GLS: variants seen among roughly 807,000 people sequenced by gnomAD.
GLS encodes the protein glutaminase.
GLS carries 36 observed loss-of-function variants against 86.7 expected under a neutral mutation model. The ratio of observed to expected loss-of-function variants is 0.42; its 90% confidence interval spans 0.32 to 0.55. The LOEUF (loss-of-function observed/expected upper bound fraction) is 0.55, where lower values mean the gene tolerates loss of function less well. GLS is among the 20% of genes least tolerant of loss of function. GLS has a pLI of 0.17. For synonymous variants in GLS, 317 were observed against 305.9 expected (o/e 1.04, Z -0.38); for missense variants, 528 against 833.4 (o/e 0.63, Z 4.51).
rs750855575 is a variant in GLS, at chr2:190,955,361, G to A, written c.1853+543G>A. 2.0e-5 allele frequency among the ~76,000 whole-genome samples: 3 copies of A among 152,140 alleles called. No homozygotes were observed. Among genetic ancestry groups the A allele is most frequent in the Non-Finnish European group, 1.5e-5 (1 of 68,030 alleles). ...TTCTCACTGTTCCACTCCCACTTAC[G>A]AGGGAGAACATGAAGTGTTTGGTTT... On this transcript the variant is annotated intron_variant, in intron 17 of 17. Transcript: ENST00000320717. This position sits in a 1 kb window ranked among gnomAD's most constrained non-coding sequence, Gnocchi z 5.6.
rs1232475108 is a variant in GLS at position 190,964,800 on chromosome 2, A to ATAAC, written c.*1816_*1819dup. 1 of 152,212 alleles carries ATAAC rather than the reference A, an allele frequency of 6.6e-6. No homozygotes were observed. The highest frequency in any genetic ancestry group is 2.4e-5 in the African/African-American group (1 of 41,436). The allele number at this position is 152,212 out of a possible 1,614,324, so 9.4% of individuals were successfully genotyped here. A position where few individuals can be genotyped will look rare whatever the true frequency, so the allele number is the denominator to read the frequency against. On this transcript the variant is annotated 3_prime_UTR_variant, in exon 18 of 18. Transcript: ENST00000320717. This position sits in a 1 kb window ranked among gnomAD's most constrained non-coding sequence, Gnocchi z 5.2. ...CACGTTTTAACTGAAATCAATCAAG[A>ATAAC]TAACTTTATTCAAAGAGCAGCCCGC...
chr2:190,937,505 TTTTA>T (rs1383426341), intron 14 of GLS, among the ~76,000 whole-genome samples: 2 of 151,416 alleles, frequency 1.3e-5, no homozygotes, highest in African/African-American at 4.8e-5. Flanking sequence ...AGGTACTTAT[TTTTA>T]AAATAGTATG....
chr2:190,961,747 T>C (rs1459043567), intron 17 of GLS, among the ~76,000 whole-genome samples: 2 of 151,474 alleles, frequency 1.3e-5, no homozygotes, highest in Non-Finnish European at 2.9e-5. Flanking sequence ...TTACCTGATT[T>C]TAAAAACAGG....
rs184041163 is a variant in GLS, at chr2:190,907,057, T to C, written c.979+1890T>C. ...CCATTCCCCTGCCTCAGCGAGTAGCTGGGACTACAGGCACCCGCCAGCACG... is the reference window on the plus strand; with the variant it reads ...CCATTCCCCTGCCTCAGCGAGTAGCCGGGACTACAGGCACCCGCCAGCACG... On this transcript the variant is annotated intron_variant, in intron 6 of 17. Coordinates refer to ENST00000320717, the MANE Select transcript of GLS (RefSeq NM_014905.5). Among the ~76,000 whole-genome samples the C allele has an allele frequency of 1.8e-3, 269 of 151,212 alleles. 1 individual carries two copies. The highest frequency in any genetic ancestry group is 6.8e-3 in the Middle Eastern group (2 of 292).
intron 14 of GLS, among the ~76,000 whole-genome samples, chr2:190,932,450 ATACT>A (rs1690138399): frequency 6.6e-6 from 1 of 151,970 alleles, no homozygotes; most frequent in South Asian, 2.1e-4. Flanking sequence ...TTTTTAATAC[ATACT>A]AAGTACATTT....
Position 190,947,847 on chromosome 2 carries a change from C to T in GLS, c.1651-5718C>T, listed in dbSNP as rs1039395821. Among the ~76,000 whole-genome samples the T allele has an allele frequency of 6.6e-6, 1 of 152,136 alleles. No individual in the cohort carries two copies. Among genetic ancestry groups the T allele is most frequent in the Non-Finnish European group, 1.5e-5 (1 of 68,030 alleles). On this transcript the variant is annotated intron_variant, in intron 14 of 17. Coordinates refer to ENST00000320717, the MANE Select transcript of GLS (RefSeq NM_014905.5). The surrounding 1 kb of genome is among the most constrained non-coding windows in gnomAD (Gnocchi z 5.0). ...GATCTTCTAGAGTGCCCCTCTCCTT[C>T]AGTTTGTTTGCTATGATAGGCATTC... is the stretch of plus-strand genomic sequence containing the variant.
chr2:190,891,866 T>C (rs1194942725), intron 1 of GLS, among the ~76,000 whole-genome samples: 2 of 152,184 alleles, frequency 1.3e-5, no homozygotes, highest in African/African-American at 4.8e-5. Context: ...TTTTTTGTTC[T>C]TTATAAACAC....
intron 5 of GLS, among the ~76,000 whole-genome samples, chr2:190,903,189 A>T (rs1689008915): frequency 6.6e-6 from 1 of 152,106 alleles, no homozygotes; most frequent in Admixed American, 6.6e-5. Context: ...ACTCGTAAGG[A>T]CCTTCATTTT....
chr2:190,946,061 T>C (rs988197208), intron 14 of GLS, among the ~76,000 whole-genome samples: 2 of 152,194 alleles, frequency 1.3e-5, no homozygotes, highest in Admixed American at 6.5e-5. Flanking sequence ...ATACTCAGAC[T>C]GTCTAATTAC....
Position 190,955,731 on chromosome 2 carries a change from T to C in GLS, c.1853+913T>C, listed in dbSNP as rs937503908. On this transcript the variant is annotated intron_variant, in intron 17 of 17. Coordinates refer to ENST00000320717, the MANE Select transcript of GLS (RefSeq NM_014905.5). The surrounding 1 kb of genome is among the most constrained non-coding windows in gnomAD (Gnocchi z 5.6). ...TGTCTTCCACAATGGTTGAACTAAT[T>C]TACACTCCCACTAACAGTGTAAAAG... 2.6e-5 allele frequency among the ~76,000 whole-genome samples: 4 copies of C among 152,196 alleles called. No homozygotes were observed. Among genetic ancestry groups the C allele is most frequent in the Non-Finnish European group, 5.9e-5 (4 of 68,022 alleles).
intron 1 of GLS, among the ~76,000 whole-genome samples, chr2:190,884,888 G>C (rs1688322121): frequency 6.6e-6 from 1 of 152,212 alleles, no homozygotes; most frequent in East Asian, 1.9e-4. Context: ...ATTGCTAGTA[G>C]AAGTATAAAT....
At chr2:190,948,958 G>C (rs981328348) in intron 14 of GLS, among the ~76,000 whole-genome samples, 4 of 152,302 alleles carry the variant, frequency 2.6e-5, no homozygotes, top group Admixed American at 2.6e-4. Context: ...CACTGTGTGG[G>C]CAGCTGGCAA....
At chr2:190,950,798 A>T (rs1440534033) in intron 14 of GLS, among the ~76,000 whole-genome samples, 2 of 152,218 alleles carry the variant, frequency 1.3e-5, no homozygotes, top group African/African-American at 4.8e-5. Context: ...GGTGAATTGT[A>T]GTGTCATCCC....
At position 190,914,911 on chromosome 2, in the gene GLS, G is replaced by T. The variant is rs534733977; in HGVS notation, c.1038+4590G>T. 1.8e-4 allele frequency among the ~76,000 whole-genome samples: 27 copies of T among 152,176 alleles called. No individual in the cohort carries two copies. Among genetic ancestry groups the T allele is most frequent in the African/African-American group, 6.3e-4 (26 of 41,520 alleles). ...ATATAGTTACATTAATTTTTTAATA[G>T]ATAATGTTAAAACTCAGTGCCTCTA... On this transcript the variant is annotated intron_variant, in intron 7 of 17. Transcript: ENST00000320717. This position sits in a 1 kb window ranked among gnomAD's most constrained non-coding sequence, Gnocchi z 4.4.
At chr2:190,887,298 T>A (rs1052602412) in intron 1 of GLS, among the ~76,000 whole-genome samples, 2 of 152,180 alleles carry the variant, frequency 1.3e-5, no homozygotes, top group African/African-American at 4.8e-5. Context: ...ACACATTACT[T>A]GTGAGTCATC....
chr2:190,957,307 C>T (rs915847055), intron 17 of GLS, among the ~76,000 whole-genome samples: 1 of 152,044 alleles, frequency 6.6e-6, no homozygotes, highest in South Asian at 2.1e-4. Context: ...GGCCAGGCTG[C>T]TCTCGAACTC....
In GLS at chr2:190,949,095, G is replaced by A. The variant is rs1690651433; in HGVS notation, c.1651-4470G>A. 6.6e-6 allele frequency among the ~76,000 whole-genome samples: 1 copy of A among 150,950 alleles called. No homozygotes were observed. The highest frequency in any genetic ancestry group is 2.1e-4 in the South Asian group (1 of 4,820). On this transcript the variant is annotated intron_variant, in intron 14 of 17. Coordinates refer to ENST00000320717, the MANE Select transcript of GLS (RefSeq NM_014905.5). The surrounding 1 kb of genome is among the most constrained non-coding windows in gnomAD (Gnocchi z 4.0). The stretch of plus-strand genomic sequence containing the variant: ...ATTAGGAATCTGGGTGTTCTTAAGA[G>A]CATAGACACCAAGACAAAAACAAGG...
Position 190,905,735 on chromosome 2 carries a change from C to T in GLS, c.979+568C>T, listed in dbSNP as rs941038545. Among the ~76,000 whole-genome samples, 4 of 151,986 alleles carry T rather than the reference C, an allele frequency of 2.6e-5. No homozygotes were observed. Among genetic ancestry groups the T allele is most frequent in the Non-Finnish European group, 5.9e-5 (4 of 67,924 alleles). On this transcript the variant is annotated intron_variant, in intron 6 of 17. Coordinates refer to ENST00000320717, the MANE Select transcript of GLS (RefSeq NM_014905.5). This position sits in a 1 kb window ranked among gnomAD's most constrained non-coding sequence, Gnocchi z 4.6. ...AGGAATTCAAAAGAAAAGGGGAGGACAAAAGTAGTTAGTTTGATCTGATAG... is the reference window on the plus strand; with the variant it reads ...AGGAATTCAAAAGAAAAGGGGAGGATAAAAGTAGTTAGTTTGATCTGATAG...
intron 7 of GLS, among the ~76,000 whole-genome samples, chr2:190,912,135 G>GT (rs1689381275): frequency 6.6e-6 from 1 of 151,974 alleles, no homozygotes. Flanking sequence ...TATAAACAAA[G>GT]TTAAAAGATA....
Sources: allele counts gnomAD v4.1 joint callset (sites outside exome capture counted in the v4.1 genomes callset), GRCh38; gene constraint gnomAD v4.1.1; non-coding constraint Gnocchi (gnomAD v3.1); transcripts MANE v1.5; gene names NCBI Gene and HGNC (gene_info 2026-07-23, HGNC 2026-07-21).